Variants in SERPINE3 observed in about 807,000 individuals in gnomAD.
The protein encoded by SERPINE3 is serpin family E member 3.
Under a neutral mutation model 41.7 loss-of-function variants are expected in SERPINE3, and 43 were observed. The observed-to-expected ratio is 1.03, with a 90% CI of 0.81 to 1.33. The LOEUF is 1.33. Among genes scored for constraint, SERPINE3 ranks in the 40% most tolerant of loss-of-function variants. SERPINE3 has a pLI of 0.00. For synonymous variants in SERPINE3, 200 were observed against 192.2 expected (o/e 1.04, Z -0.34); for missense variants, 440 against 491.7 (o/e 0.89, Z 0.99).
At chr13:51,345,321 A>G (rs1955335306) in intron 4 of SERPINE3, among the ~76,000 whole-genome samples, 1 of 152,164 alleles carries the variant, frequency 6.6e-6, no homozygotes, top group South Asian at 2.1e-4. Flanking sequence ...AACATTCAAG[A>G]CCCAGTGTTG....
intron 6 of SERPINE3, among the ~76,000 whole-genome samples, chr13:51,354,790 A>T (rs973828344): frequency 6.6e-6 from 1 of 152,274 alleles, no homozygotes; most frequent in South Asian, 2.1e-4. Context: ...TGAAAAATGG[A>T]TAATAACTAA....
At chr13:51,342,178 C>CAAAAAAAAAAA (rs869298134) in intron 3 of SERPINE3, among the ~76,000 whole-genome samples, 26 of 63,322 alleles carry the variant, frequency 4.1e-4, no homozygotes, top group East Asian at 1.1e-3. Context: ...AAAGACAGAA[C>CAAAAAAAAAAA]AAAAAAAAAA....
chr13:51,343,391 C>A (rs770539451), intron 3 of SERPINE3, among the ~76,000 whole-genome samples: 8 of 152,158 alleles, frequency 5.3e-5, no homozygotes, highest in African/African-American at 7.2e-5. Context: ...TGGGCAAGAG[C>A]CCTCGTTCCA....
chr13:51,361,331 T>C lies in SERPINE3; in HGVS notation c.1054T>C (p.Leu352=). The C allele has an allele frequency of 6.2e-7, 1 of 1,610,328 alleles. No homozygotes were observed. The highest frequency in any genetic ancestry group is 1.3e-5 in the African/African-American group (1 of 74,842). The change falls in exon 8 of 10, where the codon TTG becomes CTG. Residue 352 remains leucine (L), a synonymous_variant. Coordinates refer to ENST00000681248, the MANE Select transcript of SERPINE3 (RefSeq NM_001386375.1). ...EAIHKAKIEV[L]EEGTKASGAT... ...AATCCACAAGGCCAAGATTGAAGTT[T>C]TGGAGGAAGGCACCAAGGCATCTGG...
intron 4 of SERPINE3, 38 bp from the exon 5 acceptor site, chr13:51,346,987 A>G: frequency 6.8e-7 from 1 of 1,471,476 alleles, no homozygotes; most frequent in Non-Finnish European, 9.3e-7. Context: ...GTTTCAATGC[A>G]CATTTAACCC....
At chr13:51,345,429 C>A (rs1955336399) in intron 4 of SERPINE3, among the ~76,000 whole-genome samples, 2 of 152,020 alleles carry the variant, frequency 1.3e-5, no homozygotes, top group South Asian at 4.1e-4. Flanking sequence ...CCCGTCTCTA[C>A]TAAAAATACA....
At chr13:51,348,054 C>T (rs892335349) in intron 5 of SERPINE3, among the ~76,000 whole-genome samples, 159 bp from the exon 6 acceptor site, 1 of 152,078 alleles carries the variant, frequency 6.6e-6, no homozygotes, top group African/African-American at 2.4e-5. Flanking sequence ...ATGACCATAT[C>T]GCCCAACAGT....
intron 1 of SERPINE3, among the ~76,000 whole-genome samples, chr13:51,339,986 T>C (rs909635826): frequency 2.0e-5 from 3 of 152,214 alleles, no homozygotes; most frequent in Admixed American, 6.5e-5. Flanking sequence ...ACTGCATTTG[T>C]ACTTGGCTGT....
At chr13:51,363,793 A>T (rs959404543) in intron 9 of SERPINE3, 1 of 152,528 alleles carries the variant, frequency 6.6e-6, no homozygotes, top group Admixed American at 6.6e-5. Context: ...AGTGGCAGAG[A>T]GATAAAGGAC....
At chr13:51,342,646 T>C (rs1955305729) in intron 3 of SERPINE3, among the ~76,000 whole-genome samples, 2 of 152,180 alleles carry the variant, frequency 1.3e-5, no homozygotes, top group African/African-American at 4.8e-5. Context: ...TGTTTCTGAC[T>C]AAAAGAATGT....
intron 6 of SERPINE3, among the ~76,000 whole-genome samples, chr13:51,352,781 T>A (rs1022449740): frequency 3.9e-5 from 6 of 152,110 alleles, no homozygotes; most frequent in Admixed American, 6.6e-5. Flanking sequence ...GTTTGTTGTA[T>A]GTTTGATGTT....
chr13:51,361,450 CT>C, intron 8 of SERPINE3, 86 bp downstream of exon 8: 1 of 843,478 alleles, frequency 1.2e-6, no homozygotes, highest in Non-Finnish European at 2.0e-6. Flanking sequence ...ACTTCTGAAT[CT>C]TTCCATAACC....
At chr13:51,354,293 T>A (rs1955446099) in intron 6 of SERPINE3, 1 of 152,174 alleles carries the variant, frequency 6.6e-6, no homozygotes, top group South Asian at 2.1e-4. Context: ...CATTATGTCA[T>A]CTTGGGCAAG....
intron 3 of SERPINE3, among the ~76,000 whole-genome samples, chr13:51,342,457 T>A (rs1464729655): frequency 6.6e-6 from 1 of 152,220 alleles, no homozygotes; most frequent in Non-Finnish European, 1.5e-5. Context: ...GTGTTGAGTG[T>A]TTAGCACAAT....
chr13:51,355,215 A>G, intron 7 of SERPINE3, 72 bp downstream of exon 7: 1 of 563,710 alleles, frequency 1.8e-6, no homozygotes, highest in Non-Finnish European at 3.1e-6. Context: ...TGATTAAGGG[A>G]TTCTCATTTC....
intron 2 of SERPINE3, 84 bp downstream of exon 2, chr13:51,340,945 C>A: frequency 1.2e-6 from 1 of 824,802 alleles, no homozygotes; most frequent in South Asian, 1.8e-5. Flanking sequence ...CAAGACAGCT[C>A]AATGCATCTC....
chr13:51,340,934 C>T (rs774536465), intron 2 of SERPINE3, 73 bp downstream of exon 2: 4 of 760,312 alleles, frequency 5.3e-6, no homozygotes, highest in Non-Finnish European at 8.4e-6. Flanking sequence ...GGGTAGGTAA[C>T]CAAGACAGCT....
chr13:51,340,629 T>G (rs1469050501), intron 1 of SERPINE3, among the ~76,000 whole-genome samples, 155 bp from the exon 2 acceptor site: 1 of 152,232 alleles, frequency 6.6e-6, no homozygotes, highest in African/African-American at 2.4e-5. Flanking sequence ...TAACTGCAAA[T>G]GTACAAAGTC....
At chr13:51,358,299 A>G (rs1955512143) in intron 7 of SERPINE3, among the ~76,000 whole-genome samples, 2 of 152,186 alleles carry the variant, frequency 1.3e-5, no homozygotes, top group Admixed American at 1.3e-4. Context: ...TGTAAAGACA[A>G]AAGAAACAGC....
Sources: gnomAD v4.1 joint callset for allele counts (sites outside exome capture counted in the v4.1 genomes callset) on GRCh38, gnomAD v4.1.1 for gene constraint, MANE v1.5 for transcripts, NCBI Gene and HGNC (gene_info 2026-07-23, HGNC 2026-07-21) for gene names.